The following NPAS3 variants were observed in gnomAD, a reference collection of about 807,000 sequenced individuals.
The protein encoded by NPAS3 is neuronal PAS domain protein 3.
NPAS3 carries 14 observed loss-of-function variants against 73.1 expected under a neutral mutation model. That is an observed-to-expected ratio of 0.19 (90% confidence interval 0.13 to 0.30). The LOEUF (loss-of-function observed/expected upper bound fraction) is 0.30, where lower values mean the gene tolerates loss of function less well. Among genes scored for constraint, NPAS3 ranks in the 10% least tolerant of loss-of-function variants. NPAS3 has a pLI of 1.00. For synonymous variants in NPAS3, 620 were observed against 541.5 expected, an observed-to-expected ratio of 1.14 and a Z score of -2.01; for missense variants, 1,096 against 1,250.0, an observed-to-expected ratio of 0.88 and a Z score of 1.86.
intron 2 of NPAS3, among the ~76,000 whole-genome samples, chr14:33,090,503 C>T (rs916472251): frequency 3.3e-5 from 5 of 152,136 alleles, no homozygotes; most frequent in Non-Finnish European, 7.3e-5. Context: ...TAAATCAAGT[C>T]CTTAGAGACC....
At chr14:33,445,184 GCT>G (rs2049430040) in intron 4 of NPAS3, among the ~76,000 whole-genome samples, 1 of 152,184 alleles carries the variant, frequency 6.6e-6, no homozygotes, top group African/African-American at 2.4e-5. Flanking sequence ...GAGTCACATC[GCT>G]CTGAGTTGAG....
intron 2 of NPAS3, among the ~76,000 whole-genome samples, chr14:33,069,049 T>C (rs894554036): frequency 3.9e-5 from 6 of 152,138 alleles, no homozygotes; most frequent in African/African-American, 1.4e-4. Flanking sequence ...AGTATCAGTC[T>C]AGTTACTGGC....
chr14:33,715,441 G>A (rs756883898), intron 6 of NPAS3, among the ~76,000 whole-genome samples: 1 of 152,078 alleles, frequency 6.6e-6, no homozygotes, highest in African/African-American at 2.4e-5. Context: ...AATGAGCATT[G>A]GGCTGGGAGT....
chr14:33,018,977 A>T (rs1476669479), intron 1 of NPAS3, among the ~76,000 whole-genome samples: 1 of 152,038 alleles, frequency 6.6e-6, no homozygotes, highest in Non-Finnish European at 1.5e-5. Flanking sequence ...CTTGATATGT[A>T]TCAAATATAC....
At chr14:32,946,333 A>AAC (rs750380212) in intron 1 of NPAS3, among the ~76,000 whole-genome samples, 41 of 105,402 alleles carry the variant, frequency 3.9e-4, no homozygotes, top group Admixed American at 1.4e-3. Context: ...CCATCCCCCC[A>AAC]ACACACACAC....
intron 3 of NPAS3, among the ~76,000 whole-genome samples, chr14:33,220,855 T>C (rs2047398491): frequency 6.6e-6 from 1 of 152,200 alleles, no homozygotes; most frequent in Non-Finnish European, 1.5e-5. Context: ...CAACGGAGCA[T>C]TCAGGATTAC....
intron 7 of NPAS3, among the ~76,000 whole-genome samples, chr14:33,745,541 C>T (rs1273933063): frequency 6.6e-6 from 1 of 152,174 alleles, no homozygotes; most frequent in African/African-American, 2.4e-5. Flanking sequence ...AAAGTGCTTA[C>T]CACAATGCCT....
At chr14:33,479,082 A>G (rs1367308446) in intron 4 of NPAS3, among the ~76,000 whole-genome samples, 1 of 152,194 alleles carries the variant, frequency 6.6e-6, no homozygotes, top group South Asian at 2.1e-4. Context: ...TATGGCAATA[A>G]AAGGCTAAGG....
intron 3 of NPAS3, among the ~76,000 whole-genome samples, chr14:33,227,549 C>T (rs1397550680): frequency 6.6e-6 from 1 of 152,136 alleles, no homozygotes; most frequent in African/African-American, 2.4e-5. Flanking sequence ...TTCGTGAAGG[C>T]TATCCTCCTG....
At chr14:33,069,571 A>T (rs1187017728) in intron 2 of NPAS3, among the ~76,000 whole-genome samples, 1 of 152,210 alleles carries the variant, frequency 6.6e-6, no homozygotes, top group Non-Finnish European at 1.5e-5. Flanking sequence ...GATCTTGAAC[A>T]AGTTACTTAA....
At chr14:33,007,464 C>A (rs188068519) in intron 1 of NPAS3, among the ~76,000 whole-genome samples, 2 of 152,288 alleles carry the variant, frequency 1.3e-5, no homozygotes, top group African/African-American at 4.8e-5. Flanking sequence ...AGGGAAATCT[C>A]TAATTTAATT....
At chr14:33,426,947 C>A (rs1196494409) in intron 4 of NPAS3, among the ~76,000 whole-genome samples, 1 of 152,056 alleles carries the variant, frequency 6.6e-6, no homozygotes, top group Non-Finnish European at 1.5e-5. Flanking sequence ...TTTCATTTGG[C>A]TTACCTTGAC....
chr14:33,259,480 C>T (rs2048894537), intron 3 of NPAS3, among the ~76,000 whole-genome samples: 1 of 151,920 alleles, frequency 6.6e-6, no homozygotes, highest in Non-Finnish European at 1.5e-5. Flanking sequence ...TTTTTTTATT[C>T]CTGATAGCTA....
chr14:33,413,253 T>C (rs145490826), intron 4 of NPAS3, among the ~76,000 whole-genome samples: 1 of 152,214 alleles, frequency 6.6e-6, no homozygotes, highest in East Asian at 1.9e-4. Flanking sequence ...TTCCTCTTTT[T>C]TTTTTTCTGG....
At chr14:33,497,734 T>A (rs920648277) in intron 4 of NPAS3, among the ~76,000 whole-genome samples, 1 of 151,770 alleles carries the variant, frequency 6.6e-6, no homozygotes, top group Non-Finnish European at 1.5e-5. Flanking sequence ...AGACCTAAAA[T>A]CATAAAAACC....
chr14:33,231,076 T>G (rs2047833081), intron 3 of NPAS3, among the ~76,000 whole-genome samples: 1 of 152,224 alleles, frequency 6.6e-6, no homozygotes, highest in Non-Finnish European at 1.5e-5. Context: ...TTCAGTTTAA[T>G]AAGGATTTAC....
At chr14:33,066,518 G>A (rs964861142) in intron 2 of NPAS3, among the ~76,000 whole-genome samples, 2 of 152,140 alleles carry the variant, frequency 1.3e-5, no homozygotes, top group African/African-American at 4.8e-5. Flanking sequence ...CTAAAATTAT[G>A]GGCCAGCAGA....
At chr14:33,734,984 C>T (rs2061487601) in intron 6 of NPAS3, among the ~76,000 whole-genome samples, 1 of 152,178 alleles carries the variant, frequency 6.6e-6, no homozygotes, top group South Asian at 2.1e-4. Flanking sequence ...GTAAAAAGGC[C>T]TGAAAAGCTC....
chr14:33,107,947 A>G (rs1241051463), intron 2 of NPAS3, among the ~76,000 whole-genome samples: 3 of 152,178 alleles, frequency 2.0e-5, no homozygotes, highest in African/African-American at 4.8e-5. Context: ...GAATAAATTC[A>G]GGAGTGAATT....
Sources: gnomAD v4.1 joint callset for allele counts (sites outside exome capture counted in the v4.1 genomes callset) on GRCh38, gnomAD v4.1.1 for gene constraint, MANE v1.5 for transcripts, NCBI Gene and HGNC (gene_info 2026-07-23, HGNC 2026-07-21) for gene names.